TFDP2: variants seen among roughly 807,000 people sequenced by gnomAD.
TFDP2 encodes transcription factor Dp-2 (E2F dimerization partner 2).
TFDP2 carries 17 observed loss-of-function variants against 59.3 expected under a neutral mutation model. The observed-to-expected ratio is 0.29, with a 90% CI of 0.20 to 0.43. TFDP2 has a LOEUF of 0.43. TFDP2 is among the 20% of genes least tolerant of loss of function. The pLI, the probability that TFDP2 is intolerant of heterozygous loss-of-function variation, is 1.00. For missense variants in TFDP2, 391 were observed against 528.8 expected, an observed-to-expected ratio of 0.74 and a Z score of 2.56; for synonymous variants, 180 against 194.7, an observed-to-expected ratio of 0.92 and a Z score of 0.63.
chr3:142,048,452 T>C lies in TFDP2; in HGVS notation c.83-42908A>G, dbSNP rs114310318. On this transcript the variant is annotated intron_variant, in intron 3 of 12. Coordinates refer to ENST00000489671, the MANE Select transcript of TFDP2 (RefSeq NM_001178139.2). ...AAAAATCAAAAGAAGAGAAAAAAGA[T>C]TAGTAGAGGTATAGTTTTCTAAATT... 5.1e-3 allele frequency among the ~76,000 whole-genome samples: 772 copies of C among 151,936 alleles called. 12 individuals carry two copies. The highest frequency in any genetic ancestry group is 0.018 in the African/African-American group (732 of 41,454).
At chr3:141,991,232 C>T (rs2108164572) in intron 6 of TFDP2, among the ~76,000 whole-genome samples, 1 of 152,216 alleles carries the variant, frequency 6.6e-6, no homozygotes, top group African/African-American at 2.4e-5. Flanking sequence ...TTGACATTTT[C>T]CCAATAAATT....
chr3:141,953,202 CA>C (rs1182838258), intron 11 of TFDP2, among the ~76,000 whole-genome samples, 186 bp from the exon 12 acceptor site: 1 of 151,430 alleles, frequency 6.6e-6, no homozygotes, highest in Non-Finnish European at 1.5e-5. Flanking sequence ...ATTTCTAGAA[CA>C]TAAGAGCAGG....
chr3:141,982,709 A>G (rs1475141357), intron 6 of TFDP2, among the ~76,000 whole-genome samples: 2 of 152,228 alleles, frequency 1.3e-5, no homozygotes, highest in African/African-American at 4.8e-5. Context: ...AAGAAACTAA[A>G]CATAGTCCTT....
At chr3:142,144,133 G>A (rs1024127632) in intron 1 of TFDP2, among the ~76,000 whole-genome samples, 1 of 152,196 alleles carries the variant, frequency 6.6e-6, no homozygotes, top group Admixed American at 6.5e-5. Flanking sequence ...CAGCACTTTG[G>A]GAGGCCAAGA....
At chr3:141,992,541 G>A (rs983988290) in intron 6 of TFDP2, among the ~76,000 whole-genome samples, 38 of 152,248 alleles carry the variant, frequency 2.5e-4, no homozygotes, top group African/African-American at 4.8e-4. Context: ...TTGCCCTTTC[G>A]AAGGATAAAC....
In TFDP2 at chr3:142,041,971, G is replaced by C. The variant is rs192557558; in HGVS notation, c.83-36427C>G. Among the ~76,000 whole-genome samples, 430 of 152,160 alleles carry C rather than the reference G, an allele frequency of 2.8e-3. 1 individual carries two copies. The highest frequency in any genetic ancestry group is 5.4e-3 in the Non-Finnish European group (370 of 68,010). ...TTTCAGAGATCAGGTGACTATATTT[G>C]GGTGAGTCCATTTCTGCACTCTTTA... On this transcript the variant is annotated intron_variant, in intron 3 of 12. Transcript: ENST00000489671.
chr3:142,146,092 C>CA (rs772349954), intron 1 of TFDP2, among the ~76,000 whole-genome samples: 4 of 151,952 alleles, frequency 2.6e-5, no homozygotes, highest in Admixed American at 1.3e-4. Context: ...AAAGCAATGC[C>CA]AAAATTATCA....
intron 6 of TFDP2, among the ~76,000 whole-genome samples, chr3:141,982,825 G>C (rs370654321): frequency 6.6e-6 from 1 of 152,168 alleles, no homozygotes; most frequent in East Asian, 1.9e-4. Context: ...AATCAGTTCA[G>C]TGCATAAATT....
chr3:142,002,315 G>GTGT (rs1553772329), intron 4 of TFDP2, among the ~76,000 whole-genome samples: 13 of 108,316 alleles, frequency 1.2e-4, no homozygotes, highest in African/African-American at 4.8e-4. Context: ...TTTATTTTTA[G>GTGT]TGTTTTTTTT....
intron 1 of TFDP2, among the ~76,000 whole-genome samples, chr3:142,119,815 C>A (rs2061976260): frequency 1.3e-5 from 2 of 152,154 alleles, no homozygotes; most frequent in Non-Finnish European, 2.9e-5. Flanking sequence ...TTTTGGGAGG[C>A]CAAGGCAGGC....
In TFDP2 at chr3:142,045,223, G is replaced by A. The variant is rs140185738; in HGVS notation, c.83-39679C>T. Among the ~76,000 whole-genome samples the A allele has an allele frequency of 3.5e-3, 514 of 147,680 alleles. 1 individual carries two copies. The highest frequency in any genetic ancestry group is 0.012 in the African/African-American group (476 of 40,104). ...GGCTGGAGTGCAGTGGCACGATCAC[G>A]ATCTCGGCCCATTGCAACCTCTGCC... On this transcript the variant is annotated intron_variant, in intron 3 of 12. Coordinates refer to ENST00000489671, the MANE Select transcript of TFDP2 (RefSeq NM_001178139.2).
chr3:142,086,670 C>T (rs898212685), intron 3 of TFDP2, among the ~76,000 whole-genome samples: 1 of 152,072 alleles, frequency 6.6e-6, no homozygotes, highest in African/African-American at 2.4e-5. Flanking sequence ...TGGGTGTCTA[C>T]ACCAACCTGG....
chr3:141,959,892 A>G, intron 10 of TFDP2, 52 bp from the exon 11 acceptor site: 1 of 1,562,484 alleles, frequency 6.4e-7, no homozygotes, highest in East Asian at 2.3e-5. Flanking sequence ...AGAGGTCTGA[A>G]TAGTTTTGTA....
chr3:141,965,541 G>GAGGGGA (rs1281143355), intron 9 of TFDP2, among the ~76,000 whole-genome samples: 15 of 138,268 alleles, frequency 1.1e-4, no homozygotes, highest in East Asian at 6.8e-4. Context: ...GAAGAGAAGG[G>GAGGGGA]AGGGGAAGGG....
At chr3:141,953,135 CAATTCTCTTG>C in intron 11 of TFDP2, 119 bp from the exon 12 acceptor site, 2 of 618,234 alleles carry the variant, frequency 3.2e-6, no homozygotes, top group South Asian at 2.7e-5. Context: ...GACAGCTAGA[CAATTCTCTTG>C]CTGTGACAAG....
chr3:141,988,764 G>C (rs1942428693), intron 6 of TFDP2, among the ~76,000 whole-genome samples: 1 of 150,148 alleles, frequency 6.7e-6, no homozygotes, highest in Non-Finnish European at 1.5e-5. Flanking sequence ...TGCCTCCCAG[G>C]TTCAAGCGAT....
chr3:142,038,283 C>T (rs1282939383), intron 3 of TFDP2, among the ~76,000 whole-genome samples: 2 of 147,894 alleles, frequency 1.4e-5, no homozygotes, highest in Non-Finnish European at 3.0e-5. Flanking sequence ...ACTCAGGAGG[C>T]TGAGGCAAGA....
chr3:142,097,442 G>A lies in TFDP2; in HGVS notation c.15+4293C>T, dbSNP rs547082172. On this transcript the variant is annotated intron_variant, in intron 2 of 12. Coordinates refer to ENST00000489671, the MANE Select transcript of TFDP2 (RefSeq NM_001178139.2). Reference sequence around the variant, plus strand: ...ACCATGGCTCATGCCTGTAATAGGAGCACCTAGGGAGGCTAAGGCAGGAAG... The same window carrying A: ...ACCATGGCTCATGCCTGTAATAGGAACACCTAGGGAGGCTAAGGCAGGAAG... Among the ~76,000 whole-genome samples, 5 of 152,276 alleles carry A rather than the reference G, an allele frequency of 3.3e-5. No individual in the cohort carries two copies. The East Asian group carries it at 9.7e-4, about 29-fold the overall frequency.
At chr3:142,102,128 C>CGGAAA (rs2061333138) in intron 1 of TFDP2, among the ~76,000 whole-genome samples, 1 of 152,162 alleles carries the variant, frequency 6.6e-6, no homozygotes, top group Non-Finnish European at 1.5e-5. Context: ...AAAGAAACAC[C>CGGAAA]AGGGCTTCTT....
Sources: allele counts gnomAD v4.1 joint callset (sites outside exome capture counted in the v4.1 genomes callset), GRCh38; gene constraint gnomAD v4.1.1; transcripts MANE v1.5; gene names NCBI Gene and HGNC (gene_info 2026-07-23, HGNC 2026-07-21).